Variants in MAGI2 observed in about 807,000 individuals in gnomAD.
MAGI2 encodes membrane-associated guanylate kinase, WW and PDZ domain-containing protein 2.
A neutral mutation model predicts 133.3 loss-of-function variants in MAGI2; 35 were observed. The ratio of observed to expected loss-of-function variants is 0.26; its 90% CI spans 0.20 to 0.35. The LOEUF (loss-of-function observed/expected upper bound fraction) is 0.35, where lower values mean the gene tolerates loss of function less well. Ranked by LOEUF, MAGI2 falls within the 10% of genes least tolerant of loss-of-function variation. The pLI, the probability that MAGI2 is intolerant of heterozygous loss-of-function variation, is 1.00. For missense variants in MAGI2, 1,636 were observed against 1,863.4 expected, an observed-to-expected ratio of 0.88 and a Z score of 2.25; for synonymous variants, 729 against 710.6, an observed-to-expected ratio of 1.03 and a Z score of -0.41.
At chr7:78,757,261 A>G (rs976005809) in intron 2 of MAGI2, among the ~76,000 whole-genome samples, 3 of 151,816 alleles carry the variant, frequency 2.0e-5, no homozygotes, top group South Asian at 4.2e-4. Context: ...CTACTTAAAG[A>G]CATTGAAATC....
At chr7:78,111,924 A>G (rs1413309677) in intron 20 of MAGI2, among the ~76,000 whole-genome samples, 1 of 152,180 alleles carries the variant, frequency 6.6e-6, no homozygotes, top group Non-Finnish European at 1.5e-5. Context: ...CATTGGGTGG[A>G]CGATCTTTGC....
chr7:78,415,578 T>G (rs1041938290), intron 6 of MAGI2, among the ~76,000 whole-genome samples: 1 of 152,086 alleles, frequency 6.6e-6, no homozygotes, highest in Non-Finnish European at 1.5e-5. Context: ...ATATTTTCTC[T>G]GCTCCCATTT....
chr7:79,250,450 A>G (rs7779953), intron 1 of MAGI2, among the ~76,000 whole-genome samples: 97,440 of 151,756 alleles, frequency 0.64, 32,019 homozygotes, highest in Non-Finnish European at 0.71. Flanking sequence ...TGTATATAAC[A>G]AAAGCGAACA....
intron 2 of MAGI2, among the ~76,000 whole-genome samples, chr7:78,638,029 ACT>A (rs1382068561): frequency 1.3e-5 from 2 of 152,076 alleles, no homozygotes; most frequent in East Asian, 3.9e-4. Context: ...ATGCCACTGC[ACT>A]CAGCCTGGGA....
chr7:78,299,477 A>G (rs930039044), intron 9 of MAGI2, among the ~76,000 whole-genome samples: 3 of 152,256 alleles, frequency 2.0e-5, no homozygotes, highest in African/African-American at 7.2e-5. Context: ...ATACAAAATT[A>G]TAAGCACAGT....
chr7:79,100,201 A>T (rs1411280917), intron 1 of MAGI2, among the ~76,000 whole-genome samples: 2 of 152,086 alleles, frequency 1.3e-5, no homozygotes, highest in Non-Finnish European at 2.9e-5. Flanking sequence ...TTTTAGTATT[A>T]GCCATAGAAG....
chr7:79,291,824 C>A (rs930992513), intron 1 of MAGI2, among the ~76,000 whole-genome samples: 3 of 152,078 alleles, frequency 2.0e-5, no homozygotes, highest in Admixed American at 2.0e-4. Flanking sequence ...AATCCCTTAT[C>A]AAATATACAA....
At chr7:78,955,733 CTTTCTTTCTTTCTT>C (rs1562712914) in intron 2 of MAGI2, among the ~76,000 whole-genome samples, 68 of 49,220 alleles carry the variant, frequency 1.4e-3, no homozygotes, top group African/African-American at 2.8e-3. Context: ...CTCTTTCTTT[CTTTCTTTCTTTCTT>C]TCTTTCTTTC....
intron 17 of MAGI2, 134 bp downstream of exon 17, chr7:78,134,887 T>G: frequency 2.8e-6 from 2 of 707,270 alleles, no homozygotes; most frequent in Non-Finnish European, 4.7e-6. Context: ...GAAATAATAA[T>G]CAACCTCTGA....
intron 3 of MAGI2, among the ~76,000 whole-genome samples, chr7:78,623,828 T>C (rs916193614): frequency 2.0e-5 from 3 of 152,132 alleles, no homozygotes; most frequent in African/African-American, 7.2e-5. Context: ...ATCATGGTGG[T>C]CCCATAAAGT....
chr7:79,421,203 G>A (rs1846933267), intron 1 of MAGI2, among the ~76,000 whole-genome samples: 1 of 151,818 alleles, frequency 6.6e-6, no homozygotes, highest in Non-Finnish European at 1.5e-5. Context: ...TGATTTGCAG[G>A]CAAATGACTA....
intron 2 of MAGI2, among the ~76,000 whole-genome samples, chr7:78,882,120 C>G (rs28787311): frequency 0.084 from 4,839 of 57,362 alleles, 192 homozygotes; most frequent in South Asian, 0.15. Flanking sequence ...AAAAGAAAAA[C>G]AAAAAAAAAA....
At chr7:78,525,895 A>T (rs188131280) in intron 3 of MAGI2, among the ~76,000 whole-genome samples, 352 of 152,276 alleles carry the variant, frequency 2.3e-3, no homozygotes, top group African/African-American at 8.2e-3. Flanking sequence ...TCAAATGGGG[A>T]GTAGAGTAAC....
chr7:78,942,587 A>G (rs1584460788), intron 2 of MAGI2, among the ~76,000 whole-genome samples: 1 of 152,208 alleles, frequency 6.6e-6, no homozygotes, highest in East Asian at 1.9e-4. Context: ...GTTGTGTTGT[A>G]AGATTTCTGG....
chr7:79,239,115 G>T lies in MAGI2; in HGVS notation c.301+213905C>A, dbSNP rs138359266. On this transcript the variant is annotated intron_variant, in intron 1 of 21. Coordinates refer to ENST00000354212, the MANE Select transcript of MAGI2 (RefSeq NM_012301.4). ...GCACACCATGTTTTTTAAAATAATGGTCATGAATTTCACATTGACAAAATT... is the reference window on the plus strand; with the variant it reads ...GCACACCATGTTTTTTAAAATAATGTTCATGAATTTCACATTGACAAAATT... Among the ~76,000 whole-genome samples, 804 of 152,164 alleles carry T rather than the reference G, an allele frequency of 5.3e-3. 3 individuals carry two copies. The highest frequency in any genetic ancestry group is 9.2e-3 in the Non-Finnish European group (623 of 67,984).
chr7:79,277,018 G>A (rs1220896372), intron 1 of MAGI2, among the ~76,000 whole-genome samples: 3 of 151,964 alleles, frequency 2.0e-5, no homozygotes, highest in Non-Finnish European at 4.4e-5. Context: ...ATAAAGCAGT[G>A]CCAGGGTTTT....
At chr7:78,370,452 T>C (rs1793804844) in intron 6 of MAGI2, among the ~76,000 whole-genome samples, 1 of 151,972 alleles carries the variant, frequency 6.6e-6, no homozygotes, top group South Asian at 2.1e-4. Context: ...AGTTTTTACC[T>C]GTCATGTGTC....
chr7:79,087,324 A>G (rs1281569077), intron 1 of MAGI2, among the ~76,000 whole-genome samples: 4 of 151,910 alleles, frequency 2.6e-5, no homozygotes, highest in Non-Finnish European at 4.4e-5. Context: ...ATAGATAAAT[A>G]TTGGATGAGT....
At chr7:78,236,461 A>G (rs1790553459) in intron 10 of MAGI2, among the ~76,000 whole-genome samples, 1 of 152,156 alleles carries the variant, frequency 6.6e-6, no homozygotes, top group African/African-American at 2.4e-5. Context: ...TTCAACAAAT[A>G]TGCACGCCAA....
Sources: allele counts gnomAD v4.1 joint callset (sites outside exome capture counted in the v4.1 genomes callset), GRCh38; gene constraint gnomAD v4.1.1; transcripts MANE v1.5; gene names NCBI Gene and HGNC (gene_info 2026-07-23, HGNC 2026-07-21).